The following SOX5 variants were observed in gnomAD, a reference collection of about 807,000 sequenced individuals.
SOX5 encodes SRY-box transcription factor 5, also known as transcription factor SOX-5.
A neutral mutation model predicts 92.0 loss-of-function variants in SOX5; 9 were observed. The ratio of observed to expected loss-of-function variants is 0.10; its 90% CI spans 0.06 to 0.17. SOX5 has a LOEUF of 0.17. SOX5 is among the 10% of genes least tolerant of loss of function. SOX5 has a pLI of 1.00. For missense variants in SOX5, 642 were observed against 944.5 expected (o/e 0.68, Z 4.20); for synonymous variants, 344 against 336.3 (o/e 1.02, Z -0.25).
At chr12:23,775,334 C>T (rs576206741) in intron 3 of SOX5, among the ~76,000 whole-genome samples, 181 of 152,276 alleles carry the variant, frequency 1.2e-3, no homozygotes, top group Non-Finnish European at 2.3e-3. Flanking sequence ...TCAGAGGAAA[C>T]TGAAACTTAG....
At chr12:23,948,119 T>C (rs1944921166) in intron 1 of SOX5, among the ~76,000 whole-genome samples, 1 of 151,916 alleles carries the variant, frequency 6.6e-6, no homozygotes, top group African/African-American at 2.4e-5. Context: ...AAAAGCTCAC[T>C]AATTAAAGAG....
chr12:23,943,909 T>A (rs945225634), intron 1 of SOX5, among the ~76,000 whole-genome samples: 4 of 152,016 alleles, frequency 2.6e-5, no homozygotes, highest in African/African-American at 9.7e-5. Flanking sequence ...GACCGGAAAA[T>A]GATACAAAAG....
chr12:24,223,502 C>A (rs542313657), intron 3 of SOX5, among the ~76,000 whole-genome samples: 1 of 152,134 alleles, frequency 6.6e-6, no homozygotes, highest in Non-Finnish European at 1.5e-5. Flanking sequence ...ACCTGTAATC[C>A]CAGTACTTTG....
intron 9 of SOX5, chr12:23,582,283 G>T: frequency 1.0e-6 from 1 of 985,104 alleles, no homozygotes; most frequent in Non-Finnish European, 1.2e-6. Flanking sequence ...CTCCATAGAG[G>T]TTTACTAGAA....
chr12:23,823,902 G>A (rs1186013725), intron 3 of SOX5, among the ~76,000 whole-genome samples: 6 of 152,042 alleles, frequency 3.9e-5, no homozygotes, highest in Middle Eastern at 3.4e-3. Flanking sequence ...TCGTTTATTT[G>A]ATTCAGCTGT....
intron 8 of SOX5, among the ~76,000 whole-genome samples, chr12:23,622,638 C>A (rs776426333): frequency 2.6e-5 from 4 of 151,884 alleles, no homozygotes; most frequent in Non-Finnish European, 5.9e-5. Context: ...GAAAATTTAC[C>A]CATTAAAATA....
In SOX5 at chr12:23,692,362, A is replaced by T; in HGVS notation, c.811-26798T>A. Among the ~76,000 whole-genome samples the T allele has an allele frequency of 1.3e-5, 2 of 150,552 alleles. 1 individual carries two copies. On this transcript the variant is annotated intron_variant, in intron 6 of 14. Transcript: ENST00000451604. Reference sequence around the variant, plus strand: ...TGAGGCAGGAGAATCACTTGATCCCAGGAGGTGGAGGTTGCATTGAGCTGA... The same window carrying T: ...TGAGGCAGGAGAATCACTTGATCCCTGGAGGTGGAGGTTGCATTGAGCTGA...
intron 4 of SOX5, among the ~76,000 whole-genome samples, chr12:24,159,312 T>C (rs1227560094): frequency 6.6e-6 from 1 of 151,992 alleles, no homozygotes; most frequent in African/African-American, 2.4e-5. Flanking sequence ...CTGCTTCTCT[T>C]CTGTCTCCTT....
intron 2 of SOX5, among the ~76,000 whole-genome samples, chr12:23,875,575 A>T (rs1197029012): frequency 6.6e-6 from 1 of 152,094 alleles, no homozygotes; most frequent in Non-Finnish European, 1.5e-5. Context: ...GAAGGAAAAA[A>T]AGGAGGAGGA....
At chr12:23,968,502 C>T (rs1025761569) in intron 4 of SOX5, among the ~76,000 whole-genome samples, 10 of 152,156 alleles carry the variant, frequency 6.6e-5, no homozygotes, top group Non-Finnish European at 1.0e-4. Flanking sequence ...TTTGTTATCA[C>T]GGGAGTGGGT....
At chr12:24,169,039 A>G (rs775777525) in intron 4 of SOX5, among the ~76,000 whole-genome samples, 1 of 152,202 alleles carries the variant, frequency 6.6e-6, no homozygotes, top group African/African-American at 2.4e-5. Flanking sequence ...AAGTAGAAAA[A>G]TCAACTGCTT....
At chr12:24,132,853 G>A (rs1565500182) in intron 4 of SOX5, among the ~76,000 whole-genome samples, 1 of 152,080 alleles carries the variant, frequency 6.6e-6, no homozygotes, top group Non-Finnish European at 1.5e-5. Context: ...GAAATGATAA[G>A]CTTTTGCAAG....
chr12:24,206,204 C>T lies in SOX5; in HGVS notation c.-2+7139G>A, dbSNP rs539650002. Reference sequence around the variant, plus strand: ...TGAAATTCTGATAGCATTTGCCTTACTGGTAGAAGAAAATTACCTGTAATA... The same window carrying T: ...TGAAATTCTGATAGCATTTGCCTTATTGGTAGAAGAAAATTACCTGTAATA... On this transcript the variant is annotated intron_variant, in intron 4 of 4. Coordinates refer to the SOX5 transcript ENST00000446891. Among the ~76,000 whole-genome samples, 4 of 152,318 alleles carry T rather than the reference C, an allele frequency of 2.6e-5. No homozygotes were observed. In the South Asian group the frequency reaches 8.3e-4, roughly 32 times the overall value.
chr12:23,602,983 G>GTA (rs2137472379), intron 9 of SOX5, among the ~76,000 whole-genome samples: 1 of 152,184 alleles, frequency 6.6e-6, no homozygotes, highest in East Asian at 1.9e-4. Context: ...AGTGGCATAT[G>GTA]TATACTCCTA....
chr12:24,292,474 A>G (rs1192402080), intron 2 of SOX5, among the ~76,000 whole-genome samples: 1 of 152,242 alleles, frequency 6.6e-6, no homozygotes, highest in Non-Finnish European at 1.5e-5. Context: ...GATACATTAC[A>G]CTTATGTACC....
intron 9 of SOX5, among the ~76,000 whole-genome samples, chr12:23,602,987 ACTC>A (rs1294601800): frequency 2.0e-5 from 3 of 152,058 alleles, no homozygotes; most frequent in African/African-American, 7.2e-5. Flanking sequence ...GCATATGTAT[ACTC>A]CTACTGTCAA....
intron 2 of SOX5, among the ~76,000 whole-genome samples, chr12:23,856,794 G>A (rs1178252153): frequency 2.0e-5 from 3 of 151,994 alleles, no homozygotes; most frequent in Admixed American, 2.0e-4. Context: ...AATTATACAT[G>A]CAAGAGAAGT....
At chr12:23,838,025 A>G (rs1200968900) in intron 3 of SOX5, among the ~76,000 whole-genome samples, 18 of 125,124 alleles carry the variant, frequency 1.4e-4, no homozygotes, top group Non-Finnish European at 2.7e-4. Flanking sequence ...TAATATATAT[A>G]CATTTATATA....
At chr12:23,981,687 A>G (rs957165007) in intron 4 of SOX5, among the ~76,000 whole-genome samples, 1 of 152,034 alleles carries the variant, frequency 6.6e-6, no homozygotes, top group African/African-American at 2.4e-5. Context: ...ACATTTGCCT[A>G]TTTTTTGTTT....
Sources: gnomAD v4.1 joint callset for allele counts (sites outside exome capture counted in the v4.1 genomes callset) on GRCh38, gnomAD v4.1.1 for gene constraint, MANE v1.5 for transcripts, NCBI Gene and HGNC (gene_info 2026-07-23, HGNC 2026-07-21) for gene names.